Variants in KCNN2 observed in about 807,000 individuals in gnomAD.
KCNN2 encodes potassium calcium-activated channel subfamily N member 2, also known as small conductance calcium-activated potassium channel protein 2.
In KCNN2, 24 loss-of-function variants were observed where a neutral mutation model predicts 55.5. The ratio of observed to expected loss-of-function variants is 0.43; its 90% CI spans 0.31 to 0.61. The LOEUF is 0.61. Among genes scored for constraint, KCNN2 ranks in the 20% least tolerant of loss-of-function variants. The pLI is 0.08. For synonymous variants in KCNN2, 431 were observed against 336.1 expected (o/e 1.28, Z -3.09); for missense variants, 754 against 853.6 (o/e 0.88, Z 1.45).
rs376350951 is a variant in KCNN2 at position 114,304,155 on chromosome 5, G to C, written c.-184-56790G>C. Among the ~76,000 whole-genome samples the C allele has an allele frequency of 1.6e-4, 24 of 152,258 alleles. No homozygotes were observed. In the South Asian group the frequency reaches 4.8e-3, roughly 30 times the overall value. On this transcript the variant is annotated intron_variant, in intron 2 of 10. Coordinates refer to the KCNN2 transcript ENST00000512097. ...CTTTAGGGCTACTCCTGGTGGGAGG[G>C]ATATAGACAGTAGCAACCTATTTTC...
chr5:114,223,640 G>T (rs1754188330), intron 2 of KCNN2, among the ~76,000 whole-genome samples: 1 of 152,132 alleles, frequency 6.6e-6, no homozygotes, highest in Non-Finnish European at 1.5e-5. Flanking sequence ...AGAATTGTCA[G>T]CCAGGAATTG....
upstream of KCNN2, among the ~76,000 whole-genome samples, chr5:114,360,625 C>G (rs1460547422): frequency 1.3e-5 from 2 of 152,168 alleles, no homozygotes; most frequent in African/African-American, 4.8e-5. Context: ...TAAGGATCAC[C>G]TAGTGCATTG....
chr5:114,351,460 G>C (rs1757202307), intron 2 of KCNN2, among the ~76,000 whole-genome samples: 1 of 151,660 alleles, frequency 6.6e-6, no homozygotes, highest in Admixed American at 6.6e-5. Context: ...AACTGTACTG[G>C]CTAGAATTTC....
intron 2 of KCNN2, among the ~76,000 whole-genome samples, chr5:114,287,131 A>T (rs1561555814): frequency 6.6e-6 from 1 of 152,184 alleles, no homozygotes; most frequent in African/African-American, 2.4e-5. Flanking sequence ...GGACCAAAAG[A>T]GTAGAGGGTG....
intron 2 of KCNN2, among the ~76,000 whole-genome samples, chr5:114,277,244 G>C (rs1165212589): frequency 1.3e-5 from 2 of 152,088 alleles, no homozygotes; most frequent in Non-Finnish European, 2.9e-5. Flanking sequence ...GGGTAACCCA[G>C]CCTTTCTCTC....
chr5:114,229,901 A>G (rs979023767), intron 2 of KCNN2, among the ~76,000 whole-genome samples: 7 of 152,140 alleles, frequency 4.6e-5, no homozygotes, highest in African/African-American at 1.7e-4. Context: ...CTAGAAATGG[A>G]CTTAAGCCTG....
intron 2 of KCNN2, among the ~76,000 whole-genome samples, chr5:114,346,973 C>A (rs905511118): frequency 2.0e-5 from 3 of 151,988 alleles, no homozygotes; most frequent in Non-Finnish European, 1.5e-5. Flanking sequence ...CATTTGAGAA[C>A]AAAATAAATA....
chr5:114,277,257 A>G (rs2125144), intron 2 of KCNN2, among the ~76,000 whole-genome samples: 149,282 of 152,250 alleles, frequency 0.98, 73,254 homozygotes, highest in Non-Finnish European at 1. Flanking sequence ...TTTCTCTCTG[A>G]CTGCCCTTAA....
At chr5:114,201,471 C>T (rs1753672012) in intron 1 of KCNN2, among the ~76,000 whole-genome samples, 1 of 151,976 alleles carries the variant, frequency 6.6e-6, no homozygotes, top group South Asian at 2.1e-4. Context: ...GAGGAAGAAG[C>T]TGTGGCAAGA....
chr5:114,086,543 C>G (rs1751020154), intron 1 of KCNN2, among the ~76,000 whole-genome samples: 3 of 151,898 alleles, frequency 2.0e-5, no homozygotes, highest in African/African-American at 4.8e-5. Flanking sequence ...ATTTGGTTTT[C>G]TATTCCTGCA....
chr5:114,193,969 A>G (rs1362382446), intron 1 of KCNN2, among the ~76,000 whole-genome samples: 3 of 152,178 alleles, frequency 2.0e-5, no homozygotes, highest in Non-Finnish European at 4.4e-5. Flanking sequence ...AACCATCACC[A>G]CAATATAATT....
intron 2 of KCNN2, among the ~76,000 whole-genome samples, chr5:114,236,864 G>A (rs977506106): frequency 4.8e-4 from 73 of 152,114 alleles, no homozygotes; most frequent in African/African-American, 1.5e-3. Flanking sequence ...TATGCTATAC[G>A]TAATATTTTG....
At chr5:114,284,545 G>A (rs1401750890) in intron 2 of KCNN2, among the ~76,000 whole-genome samples, 1 of 152,062 alleles carries the variant, frequency 6.6e-6, no homozygotes, top group African/African-American at 2.4e-5. Context: ...TTGAGATGGA[G>A]TCTTGCTCTG....
At chr5:114,298,832 C>T (rs1580704940) in intron 2 of KCNN2, among the ~76,000 whole-genome samples, 1 of 151,998 alleles carries the variant, frequency 6.6e-6, no homozygotes, top group East Asian at 1.9e-4. Flanking sequence ...TGTGTGATCG[C>T]TCTCTTTTTT....
At chr5:114,244,154 A>G (rs895581303) in intron 2 of KCNN2, among the ~76,000 whole-genome samples, 2 of 152,198 alleles carry the variant, frequency 1.3e-5, no homozygotes, top group African/African-American at 4.8e-5. Flanking sequence ...ATATCTAGTT[A>G]GGGCAGTCTC....
At chr5:114,321,989 G>C (rs1483893693) in intron 2 of KCNN2, among the ~76,000 whole-genome samples, 1 of 152,270 alleles carries the variant, frequency 6.6e-6, no homozygotes, top group East Asian at 1.9e-4. Flanking sequence ...GATGTATTTA[G>C]CTTCTGTCTT....
intron 2 of KCNN2, among the ~76,000 whole-genome samples, chr5:114,248,959 G>A (rs1338390897): frequency 3.9e-5 from 6 of 152,150 alleles, no homozygotes; most frequent in African/African-American, 1.2e-4. Flanking sequence ...ATGACAGCAG[G>A]TGAAAACCAG....
At chr5:114,288,281 G>GT (rs1439725081) in intron 2 of KCNN2, among the ~76,000 whole-genome samples, 1 of 152,044 alleles carries the variant, frequency 6.6e-6, no homozygotes, top group Non-Finnish European at 1.5e-5. Flanking sequence ...AGATAGTCCT[G>GT]TTGTAAACAA....
chr5:114,182,668 C>T (rs945118529), intron 1 of KCNN2, among the ~76,000 whole-genome samples: 1 of 151,914 alleles, frequency 6.6e-6, no homozygotes, highest in African/African-American at 2.4e-5. Context: ...TTTCATATTC[C>T]AACTGTTAGC....
Sources: gnomAD v4.1 joint callset for allele counts (sites outside exome capture counted in the v4.1 genomes callset) on GRCh38, gnomAD v4.1.1 for gene constraint, MANE v1.5 for transcripts, NCBI Gene and HGNC (gene_info 2026-07-23, HGNC 2026-07-21) for gene names.